FHOD3: variants seen among roughly 807,000 people sequenced by gnomAD.
The protein encoded by FHOD3 is formin homology 2 domain containing 3, also known as FH1/FH2 domain-containing protein 3.
Under a neutral mutation model 173.0 loss-of-function variants are expected in FHOD3, and 90 were observed. The ratio of observed to expected loss-of-function variants is 0.52; its 90% confidence interval spans 0.44 to 0.62. The LOEUF is 0.62. Among genes scored for constraint, FHOD3 ranks in the 20% least tolerant of loss-of-function variants. The probability of loss-of-function intolerance (pLI) is 0.00; values close to 1 mark genes in which losing one functional copy is unlikely to be tolerated. For synonymous variants in FHOD3, 828 were observed against 823.0 expected (o/e 1.01, Z -0.10); for missense variants, 1,945 against 2,034.7 (o/e 0.96, Z 0.85).
chr18:36,320,522 C>A (rs1030467047), intron 1 of FHOD3, among the ~76,000 whole-genome samples: 3 of 152,158 alleles, frequency 2.0e-5, no homozygotes, highest in African/African-American at 7.2e-5. Flanking sequence ...AGTCTAGGAC[C>A]AGATGGATTC....
At chr18:36,322,508 C>G (rs1402272386) in intron 1 of FHOD3, among the ~76,000 whole-genome samples, 1 of 152,060 alleles carries the variant, frequency 6.6e-6, no homozygotes, top group Non-Finnish European at 1.5e-5. Context: ...AATCCTGGAG[C>G]CTGTGGACCC....
chr18:36,716,181 T>A (rs555640130), intron 18 of FHOD3, among the ~76,000 whole-genome samples: 7 of 152,306 alleles, frequency 4.6e-5, no homozygotes. Flanking sequence ...AAGAACTGGC[T>A]GTCAAGGGAC....
In FHOD3 at chr18:36,720,355, C is replaced by T. The variant is rs576322687; in HGVS notation, c.3417+1640C>T. On this transcript the variant is annotated intron_variant, in intron 19 of 28. Transcript: ENST00000590592. The stretch of plus-strand genomic sequence containing the variant: ...CGGGTTCAAGAGATTCTCCTGCCTC[C>T]GCCTCCTGAGTAGCTGGGATTACAG... 1.9e-4 allele frequency among the ~76,000 whole-genome samples: 28 copies of T among 151,348 alleles called. 1 individual carries two copies. The South Asian group carries it at 5.2e-3, about 28-fold the overall frequency.
intron 9 of FHOD3, among the ~76,000 whole-genome samples, chr18:36,620,378 G>T (rs2033607774): frequency 6.6e-6 from 1 of 152,162 alleles, no homozygotes; most frequent in Admixed American, 6.5e-5. Context: ...AGTCACTTCA[G>T]ATGTCATCTC....
intron 14 of FHOD3, among the ~76,000 whole-genome samples, chr18:36,665,160 C>G (rs1205873032): frequency 6.6e-6 from 1 of 152,198 alleles, no homozygotes; most frequent in East Asian, 1.9e-4. Context: ...CATTCCTTCC[C>G]TCAAAGCCCA....
intron 7 of FHOD3, among the ~76,000 whole-genome samples, chr18:36,601,917 AATAACCACCC>A (rs1303659936): frequency 5.3e-5 from 8 of 152,148 alleles, no homozygotes; most frequent in Non-Finnish European, 1.0e-4. Context: ...AGATCCTGGA[AATAACCACCC>A]ATAAGCCTTC....
intron 3 of FHOD3, among the ~76,000 whole-genome samples, chr18:36,486,395 C>T (rs1200520216): frequency 6.6e-6 from 1 of 152,202 alleles, no homozygotes; most frequent in Non-Finnish European, 1.5e-5. Context: ...CAGGGTCTTG[C>T]TCTGTCTCCC....
intron 3 of FHOD3, among the ~76,000 whole-genome samples, chr18:36,488,066 A>G (rs2054278670): frequency 6.6e-6 from 1 of 152,156 alleles, no homozygotes; most frequent in Admixed American, 6.6e-5. Flanking sequence ...TGTTTTAAAT[A>G]TCCATTCTTT....
intron 17 of FHOD3, among the ~76,000 whole-genome samples, chr18:36,706,616 A>T (rs1331176241): frequency 6.6e-6 from 1 of 152,226 alleles, no homozygotes; most frequent in Admixed American, 6.5e-5. Flanking sequence ...GGAATGGAAC[A>T]TGGCAGTGCA....
chr18:36,716,352 G>T (rs1394211489), intron 18 of FHOD3, among the ~76,000 whole-genome samples: 1 of 152,198 alleles, frequency 6.6e-6, no homozygotes, highest in Non-Finnish European at 1.5e-5. Context: ...CAGCAACACT[G>T]GATGTGGAGG....
At chr18:36,692,313 C>G (rs561740) in intron 16 of FHOD3, among the ~76,000 whole-genome samples, 104,085 of 152,116 alleles carry the variant, frequency 0.68, 35,872 homozygotes, top group African/African-American at 0.77. Context: ...GCAAAGTGAG[C>G]GTCTTGAGTA....
At chr18:36,574,689 T>C (rs2058582240) in intron 5 of FHOD3, among the ~76,000 whole-genome samples, 1 of 152,140 alleles carries the variant, frequency 6.6e-6, no homozygotes, top group South Asian at 2.1e-4. Context: ...TCCAACAATT[T>C]TGTATCTTAT....
At chr18:36,350,969 G>C (rs895187325) in intron 1 of FHOD3, among the ~76,000 whole-genome samples, 1 of 152,046 alleles carries the variant, frequency 6.6e-6, no homozygotes, top group East Asian at 1.9e-4. Context: ...CAACATATTG[G>C]TCCAGCCAAG....
intron 7 of FHOD3, among the ~76,000 whole-genome samples, chr18:36,599,832 T>C (rs967165308): frequency 6.6e-6 from 1 of 152,090 alleles, no homozygotes; most frequent in African/African-American, 2.4e-5. Context: ...TGAGTATCTA[T>C]CATGTAACAG....
At chr18:36,410,654 G>T (rs1277903021) in intron 3 of FHOD3, among the ~76,000 whole-genome samples, 1 of 152,064 alleles carries the variant, frequency 6.6e-6, no homozygotes, top group Non-Finnish European at 1.5e-5. Context: ...TACCAATGTG[G>T]TAAGAATTTG....
chr18:36,536,797 C>T (rs2057013275), intron 5 of FHOD3, among the ~76,000 whole-genome samples: 1 of 152,216 alleles, frequency 6.6e-6, no homozygotes, highest in African/African-American at 2.4e-5. Flanking sequence ...CCAGTCGGGA[C>T]ACACTAATTC....
intron 10 of FHOD3, among the ~76,000 whole-genome samples, chr18:36,631,092 G>A (rs559846764): frequency 1.5e-3 from 227 of 152,312 alleles, no homozygotes; most frequent in African/African-American, 5.0e-3. Context: ...GTACTGATGC[G>A]GCAGTGGAGA....
rs533679765 is a variant in FHOD3 at position 36,522,085 on chromosome 18, T to G, written c.511+9542T>G. ...GTCTTGACTCACTGATAATAAATAT[T>G]TGTGAACATACACTATGGACCAGGA... On this transcript the variant is annotated intron_variant, in intron 5 of 28. Transcript: ENST00000590592. Among the ~76,000 whole-genome samples the G allele has an allele frequency of 5.3e-5, 8 of 152,266 alleles. No homozygotes were observed. The South Asian group carries it at 1.7e-3, about 32-fold the overall frequency.
At chr18:36,581,579 C>T (rs1156267658) in intron 6 of FHOD3, among the ~76,000 whole-genome samples, 1 of 152,200 alleles carries the variant, frequency 6.6e-6, no homozygotes, top group East Asian at 1.9e-4. Flanking sequence ...CACAGGTCTC[C>T]AGACTTCCTT....
Sources: allele counts gnomAD v4.1 joint callset (sites outside exome capture counted in the v4.1 genomes callset), GRCh38; gene constraint gnomAD v4.1.1; transcripts MANE v1.5; gene names NCBI Gene and HGNC (gene_info 2026-07-23, HGNC 2026-07-21).